Variants in ZFAT observed in about 807,000 individuals in gnomAD.
The protein encoded by ZFAT is zinc finger and AT-hook domain containing.
A neutral mutation model predicts 117.7 loss-of-function variants in ZFAT; 64 were observed. The ratio of observed to expected loss-of-function variants is 0.54; its 90% CI spans 0.44 to 0.67. The LOEUF is 0.67. Ranked by LOEUF, ZFAT falls within the 30% of genes least tolerant of loss-of-function variation. ZFAT has a pLI of 0.00. For missense variants in ZFAT, 1,433 were observed against 1,584.5 expected, an observed-to-expected ratio of 0.90 and a Z score of 1.62; for synonymous variants, 679 against 615.0, an observed-to-expected ratio of 1.10 and a Z score of -1.54.
rs1817086293 is a variant in ZFAT at position 134,478,875 on chromosome 8, T to G, written c.3493-154A>C. Among the ~76,000 whole-genome samples, 2 of 152,244 alleles carry G rather than the reference T, an allele frequency of 1.3e-5. No homozygotes were observed. The highest frequency in any genetic ancestry group is 1.3e-4 in the Admixed American group (2 of 15,292). ...CTCTACCAGGCTGTGCTTGCTCTCA[T>G]GCCCATTTTACAGCTGAACAGAATG... On this transcript the variant is annotated intron_variant, in intron 15 of 15. Transcript: ENST00000377838. This position sits in a 1 kb window ranked among gnomAD's most constrained non-coding sequence, Gnocchi z 5.2.
intron 15 of ZFAT, among the ~76,000 whole-genome samples, chr8:134,479,365 C>T (rs532151770): frequency 2.6e-5 from 4 of 152,298 alleles, no homozygotes; most frequent in South Asian, 4.1e-4. Context: ...TCTGGGTATC[C>T]GTCAGGGGAT....
intron 1 of ZFAT, among the ~76,000 whole-genome samples, chr8:134,683,017 C>T (rs1833144939): frequency 6.6e-6 from 1 of 152,230 alleles, no homozygotes; most frequent in African/African-American, 2.4e-5. Context: ...ACGCACCCTT[C>T]CTTAAGACAC....
intron 3 of ZFAT, among the ~76,000 whole-genome samples, chr8:134,631,670 G>C (rs1002597385): frequency 1.3e-5 from 2 of 152,176 alleles, no homozygotes; most frequent in Admixed American, 1.3e-4. Context: ...TGAGGGACAG[G>C]GTGCCTGGCC....
chr8:134,687,227 T>C (rs957192407), intron 1 of ZFAT, among the ~76,000 whole-genome samples: 1 of 152,224 alleles, frequency 6.6e-6, no homozygotes, highest in South Asian at 2.1e-4. Flanking sequence ...AAAATGCTGA[T>C]GAACATGCCA....
intron 11 of ZFAT, among the ~76,000 whole-genome samples, chr8:134,536,835 A>G (rs1471362360): frequency 6.6e-6 from 1 of 152,254 alleles, no homozygotes; most frequent in Non-Finnish European, 1.5e-5. Context: ...AGAAACTCGC[A>G]AACAACAAAT....
At chr8:134,592,008 C>T (rs1245295392) in intron 7 of ZFAT, among the ~76,000 whole-genome samples, 5 of 142,816 alleles carry the variant, frequency 3.5e-5, no homozygotes, top group African/African-American at 7.6e-5. Flanking sequence ...GAGGACTCTG[C>T]GCAGATAGGT....
intron 11 of ZFAT, among the ~76,000 whole-genome samples, chr8:134,558,573 A>G (rs1823820828): frequency 6.6e-6 from 1 of 152,244 alleles, no homozygotes; most frequent in Non-Finnish European, 1.5e-5. Flanking sequence ...AAAATACAAT[A>G]TAACACCTAG....
intron 12 of ZFAT, among the ~76,000 whole-genome samples, chr8:134,530,282 G>A (rs926936185): frequency 6.6e-6 from 1 of 152,186 alleles, no homozygotes; most frequent in Non-Finnish European, 1.5e-5. Context: ...ATTTTTGGGG[G>A]AGTAGAAGAG....
the ZFAT span, among the ~76,000 whole-genome samples, chr8:134,732,528 C>G: frequency 1.3e-5 from 2 of 152,226 alleles, no homozygotes; most frequent in African/African-American, 2.4e-5. Flanking sequence ...CCCTCAACAA[C>G]CCCTGCTCCC....
At chr8:134,708,063 T>G (rs1016753640) in intron 1 of ZFAT, among the ~76,000 whole-genome samples, 1 of 152,226 alleles carries the variant, frequency 6.6e-6, no homozygotes, top group Non-Finnish European at 1.5e-5. Flanking sequence ...TGGAGAACAC[T>G]GTCCTAAGTA....
chr8:134,831,981 C>A, the ZFAT span, among the ~76,000 whole-genome samples: 1 of 150,832 alleles, frequency 6.6e-6, no homozygotes, highest in Non-Finnish European at 1.5e-5. Context: ...AAGGCACTCA[C>A]CTGGCCCGGG....
intron 3 of ZFAT, among the ~76,000 whole-genome samples, chr8:134,614,359 G>C (rs1195171231): frequency 1.3e-5 from 2 of 152,174 alleles, no homozygotes; most frequent in African/African-American, 4.8e-5. Flanking sequence ...ACACAGACAT[G>C]CATTGCACAA....
At chr8:134,531,676 C>A (rs1270439900) in intron 12 of ZFAT, among the ~76,000 whole-genome samples, 3 of 152,210 alleles carry the variant, frequency 2.0e-5, no homozygotes, top group Non-Finnish European at 4.4e-5. Flanking sequence ...TGCTCCCCAG[C>A]TCCATAAAAC....
intron 2 of ZFAT, among the ~76,000 whole-genome samples, chr8:134,642,055 T>C (rs1189567521): frequency 6.6e-6 from 1 of 152,262 alleles, no homozygotes; most frequent in East Asian, 1.9e-4. Context: ...TATCTCATTT[T>C]AGCCTTATAA....
intron 10 of ZFAT, 32 bp from the exon 11 acceptor site, chr8:134,565,453 G>A (rs188375435): frequency 1.2e-5 from 19 of 1,602,026 alleles, no homozygotes; most frequent in Middle Eastern, 1.7e-4. Context: ...GATGAGCGTC[G>A]CCAGGCCAAC....
intron 2 of ZFAT, among the ~76,000 whole-genome samples, chr8:134,638,612 C>T (rs1830395388): frequency 6.6e-6 from 1 of 150,702 alleles, no homozygotes; most frequent in East Asian, 1.9e-4. Context: ...ACCTGTAGTC[C>T]CAGCTACTCA....
At chr8:134,607,030 AGTTAT>A (rs1210817126) in intron 5 of ZFAT, among the ~76,000 whole-genome samples, 2 of 152,186 alleles carry the variant, frequency 1.3e-5, no homozygotes, top group South Asian at 2.1e-4. Flanking sequence ...TCTCTTTTAT[AGTTAT>A]CTTATAATTT....
chr8:134,611,689 G>C (rs955058945), intron 3 of ZFAT, among the ~76,000 whole-genome samples: 3 of 152,194 alleles, frequency 2.0e-5, no homozygotes. Context: ...GAAATCTTCT[G>C]ATTTTTCAAG....
chr8:134,501,838 G>C (rs145833808), intron 15 of ZFAT, among the ~76,000 whole-genome samples: 1 of 152,170 alleles, frequency 6.6e-6, no homozygotes, highest in Non-Finnish European at 1.5e-5. Context: ...CCAGTTATTC[G>C]AGCTTAGAGG....
Sources: gnomAD v4.1 joint callset for allele counts (sites outside exome capture counted in the v4.1 genomes callset) on GRCh38, gnomAD v4.1.1 for gene constraint, Gnocchi (gnomAD v3.1) non-coding constraint, MANE v1.5 for transcripts, NCBI Gene and HGNC (gene_info 2026-07-23, HGNC 2026-07-21) for gene names.